Variants in SOX5 observed in about 807,000 individuals in gnomAD.
The protein encoded by SOX5 is transcription factor SOX-5.
A neutral mutation model predicts 92.0 loss-of-function variants in SOX5; 9 were observed. The ratio of observed to expected loss-of-function variants is 0.10; its 90% CI spans 0.06 to 0.17. The LOEUF is 0.17. Among genes scored for constraint, SOX5 ranks in the 10% least tolerant of loss-of-function variants. The pLI is 1.00. For synonymous variants in SOX5, 344 were observed against 336.3 expected (o/e 1.02, Z -0.25); for missense variants, 642 against 944.5 (o/e 0.68, Z 4.20).
At chr12:24,517,531 A>G (rs1949901728) in intron 1 of SOX5, among the ~76,000 whole-genome samples, 1 of 152,082 alleles carries the variant, frequency 6.6e-6, no homozygotes, top group Non-Finnish European at 1.5e-5. Context: ...AAAAAAGAGA[A>G]CCATATAGGC....
rs111272109 is a variant in SOX5, at chr12:24,157,006, C to T, written c.-2+56337G>A. Among the ~76,000 whole-genome samples the T allele has an allele frequency of 2.2e-3, 340 of 152,174 alleles. 2 individuals carry two copies. Among genetic ancestry groups the T allele is most frequent in the African/African-American group, 7.9e-3 (329 of 41,548 alleles). ...TGTCCATGATGATTACAACTTATTT[C>T]TGCTTAGCATTTAGTACTTCTCTTT... On this transcript the variant is annotated intron_variant, in intron 4 of 4. Coordinates refer to the SOX5 transcript ENST00000446891.
At chr12:24,153,202 C>T (rs1397171922) in intron 4 of SOX5, among the ~76,000 whole-genome samples, 1 of 152,132 alleles carries the variant, frequency 6.6e-6, no homozygotes, top group Non-Finnish European at 1.5e-5. Context: ...ATTTGCCCTT[C>T]AGTTCAGAGA....
chr12:23,664,234 C>T (rs2083460503), intron 7 of SOX5, among the ~76,000 whole-genome samples: 1 of 151,890 alleles, frequency 6.6e-6, no homozygotes. Context: ...AAATGTAGAA[C>T]TGATGTGTAG....
At chr12:24,022,380 C>T (rs1190031727) in intron 4 of SOX5, among the ~76,000 whole-genome samples, 2 of 152,042 alleles carry the variant, frequency 1.3e-5, no homozygotes, top group Non-Finnish European at 2.9e-5. Context: ...AGGCAGAGAG[C>T]AGCACAAGAT....
chr12:24,365,122 A>T (rs1354047595), intron 2 of SOX5, among the ~76,000 whole-genome samples: 1 of 152,110 alleles, frequency 6.6e-6, no homozygotes, highest in Non-Finnish European at 1.5e-5. Context: ...AACAGTGCTA[A>T]ATTCACAGGG....
At chr12:23,638,822 C>G (rs2138662967) in intron 8 of SOX5, among the ~76,000 whole-genome samples, 1 of 151,228 alleles carries the variant, frequency 6.6e-6, no homozygotes, top group South Asian at 2.1e-4. Context: ...AAAGAAAAGC[C>G]AGGTTCTCTG....
intron 3 of SOX5, among the ~76,000 whole-genome samples, chr12:23,766,043 T>G (rs2094715375): frequency 6.6e-6 from 1 of 152,182 alleles, no homozygotes. Flanking sequence ...GACGCAAAAT[T>G]AGAACTAACG....
At chr12:24,165,036 A>G (rs1953233026) in intron 4 of SOX5, among the ~76,000 whole-genome samples, 1 of 152,078 alleles carries the variant, frequency 6.6e-6, no homozygotes, top group African/African-American at 2.4e-5. Flanking sequence ...GATATCTTGC[A>G]AACACCTTTT....
At chr12:24,416,667 A>G (rs567823204) in intron 1 of SOX5, among the ~76,000 whole-genome samples, 1 of 152,328 alleles carries the variant, frequency 6.6e-6, no homozygotes, top group East Asian at 1.9e-4. Context: ...GCTACTGAAA[A>G]TACACACAAT....
chr12:24,454,761 A>G (rs1356821156), intron 1 of SOX5, among the ~76,000 whole-genome samples: 1 of 152,146 alleles, frequency 6.6e-6, no homozygotes, highest in African/African-American at 2.4e-5. Flanking sequence ...CTAAATTTTT[A>G]TTTGAATTAT....
At chr12:24,258,975 T>A (rs961130365) in intron 3 of SOX5, among the ~76,000 whole-genome samples, 1 of 152,216 alleles carries the variant, frequency 6.6e-6, no homozygotes, top group Admixed American at 6.5e-5. Context: ...ACCACTCTTC[T>A]AGGCTACCTC....
intron 1 of SOX5, among the ~76,000 whole-genome samples, chr12:23,915,368 A>G (rs2097402268): frequency 6.6e-6 from 1 of 152,152 alleles, no homozygotes; most frequent in South Asian, 2.1e-4. Context: ...ATATACTTGG[A>G]CCTTTGAAAA....
chr12:23,756,823 C>T (rs2094398287), intron 3 of SOX5, among the ~76,000 whole-genome samples: 1 of 151,830 alleles, frequency 6.6e-6, no homozygotes, highest in African/African-American at 2.4e-5. Context: ...TCAAAGGGAC[C>T]GTCTGGCCTA....
chr12:24,305,068 T>G (rs561453390), intron 2 of SOX5, among the ~76,000 whole-genome samples: 19 of 152,328 alleles, frequency 1.2e-4, no homozygotes, highest in African/African-American at 3.8e-4. Context: ...GACCCCACAA[T>G]GACTGATGTT....
intron 8 of SOX5, among the ~76,000 whole-genome samples, chr12:23,639,187 A>G (rs564873412): frequency 3.9e-4 from 60 of 152,230 alleles, no homozygotes; most frequent in African/African-American, 1.4e-3. Context: ...GATATTTAAT[A>G]TCTTGAGATA....
At chr12:24,506,784 CT>C (rs386375924) in intron 1 of SOX5, among the ~76,000 whole-genome samples, 158 of 81,758 alleles carry the variant, frequency 1.9e-3, no homozygotes, top group African/African-American at 6.3e-3. Context: ...TCCAAATGGT[CT>C]TTTTTTTTTT....
At chr12:23,634,773 T>C (rs373137770) in intron 8 of SOX5, among the ~76,000 whole-genome samples, 5 of 152,204 alleles carry the variant, frequency 3.3e-5, no homozygotes, top group African/African-American at 1.2e-4. Context: ...CCTTTGATAT[T>C]TGAAATTCTG....
At chr12:24,104,920 T>C (rs1569543388) in intron 4 of SOX5, among the ~76,000 whole-genome samples, 1 of 152,228 alleles carries the variant, frequency 6.6e-6, no homozygotes, top group East Asian at 1.9e-4. Context: ...CCAAGCAGCA[T>C]ATAGTCCTGT....
At chr12:23,931,226 A>G (rs1289307402) in intron 1 of SOX5, among the ~76,000 whole-genome samples, 1 of 151,824 alleles carries the variant, frequency 6.6e-6, no homozygotes, top group African/African-American at 2.4e-5. Flanking sequence ...TTCATCATCA[A>G]GAATATTAAT....
Sources: gnomAD v4.1 joint callset for allele counts (sites outside exome capture counted in the v4.1 genomes callset) on GRCh38, gnomAD v4.1.1 for gene constraint, MANE v1.5 for transcripts, NCBI Gene and HGNC (gene_info 2026-07-23, HGNC 2026-07-21) for gene names.